The following PDZRN4 variants were observed in gnomAD, a reference collection of about 807,000 sequenced individuals.
PDZRN4 encodes the protein PDZ domain-containing RING finger protein 4.
PDZRN4 carries 70 observed loss-of-function variants against 99.0 expected under a neutral mutation model. The observed-to-expected ratio is 0.71, with a 90% CI of 0.58 to 0.86. The LOEUF (loss-of-function observed/expected upper bound fraction) is 0.86, where lower values mean the gene tolerates loss of function less well. Among genes scored for constraint, PDZRN4 ranks in the 40% least tolerant of loss-of-function variants. PDZRN4 has a pLI of 0.00. For synonymous variants in PDZRN4, 551 were observed against 501.6 expected (o/e 1.10, Z -1.32); for missense variants, 1,474 against 1,331.2 (o/e 1.11, Z -1.67).
At chr12:41,479,281 C>T (rs927817366) in intron 3 of PDZRN4, among the ~76,000 whole-genome samples, 7 of 151,950 alleles carry the variant, frequency 4.6e-5, no homozygotes, top group African/African-American at 1.2e-4. Context: ...TGTCAGAAAA[C>T]GAAAGTAGAT....
intron 3 of PDZRN4, among the ~76,000 whole-genome samples, chr12:41,211,596 G>T (rs1950889129): frequency 6.6e-6 from 1 of 151,862 alleles, no homozygotes; most frequent in African/African-American, 2.4e-5. Flanking sequence ...CTATTATCCT[G>T]AAACTGCAAA....
intron 3 of PDZRN4, among the ~76,000 whole-genome samples, chr12:41,199,373 A>T (rs558723187): frequency 6.6e-6 from 1 of 152,304 alleles, no homozygotes; most frequent in East Asian, 1.9e-4. Context: ...GTTGGTGAAA[A>T]TGTAGAGAAA....
At chr12:41,438,103 T>C (rs1952646490) in intron 3 of PDZRN4, 1 of 1,493,376 alleles carries the variant, frequency 6.7e-7, no homozygotes. Flanking sequence ...CTTTATTTTT[T>C]CTTTCAGTAC....
chr12:41,367,732 A>G (rs1444365182), intron 3 of PDZRN4, among the ~76,000 whole-genome samples: 3 of 152,052 alleles, frequency 2.0e-5, no homozygotes, highest in African/African-American at 7.2e-5. Context: ...ATAGTTTACT[A>G]TTTTTAACAT....
intron 3 of PDZRN4, among the ~76,000 whole-genome samples, chr12:41,501,227 AC>A (rs1243459196): frequency 6.6e-6 from 1 of 152,102 alleles, no homozygotes; most frequent in Non-Finnish European, 1.5e-5. Flanking sequence ...AGATTTGGAA[AC>A]CCTCATCATT....
At chr12:41,451,434 G>T (rs772966572) in intron 3 of PDZRN4, among the ~76,000 whole-genome samples, 10 of 152,092 alleles carry the variant, frequency 6.6e-5, no homozygotes, top group Non-Finnish European at 1.3e-4. Context: ...ACAAAAAGTT[G>T]GTGAAAGTAA....
At chr12:41,535,945 C>G (rs2120752573) in intron 5 of PDZRN4, among the ~76,000 whole-genome samples, 1 of 152,252 alleles carries the variant, frequency 6.6e-6, no homozygotes, top group East Asian at 1.9e-4. Flanking sequence ...ACTAAGGCAA[C>G]ACTTTTCTTT....
chr12:41,322,850 T>C (rs1951689220), intron 3 of PDZRN4, among the ~76,000 whole-genome samples: 1 of 151,906 alleles, frequency 6.6e-6, no homozygotes, highest in Non-Finnish European at 1.5e-5. Flanking sequence ...TGAATTATGA[T>C]CTTTTTCTCG....
chr12:41,360,118 A>C (rs555077591), intron 3 of PDZRN4, among the ~76,000 whole-genome samples: 1 of 152,116 alleles, frequency 6.6e-6, no homozygotes, highest in East Asian at 1.9e-4. Flanking sequence ...AGCTCCATGA[A>C]CATAGAAACC....
chr12:41,299,249 G>T (rs566886975), intron 3 of PDZRN4, among the ~76,000 whole-genome samples: 1 of 151,216 alleles, frequency 6.6e-6, no homozygotes, highest in South Asian at 2.1e-4. Flanking sequence ...CTTGTTTTTG[G>T]TTTCAGAGAG....
intron 3 of PDZRN4, among the ~76,000 whole-genome samples, chr12:41,501,079 T>C (rs1388607216): frequency 6.6e-6 from 1 of 152,136 alleles, no homozygotes; most frequent in Non-Finnish European, 1.5e-5. Context: ...TTTATACTTA[T>C]CCTCAATTTC....
At chr12:41,568,788 C>A (rs1939424343) in intron 9 of PDZRN4, among the ~76,000 whole-genome samples, 1 of 148,340 alleles carries the variant, frequency 6.7e-6, no homozygotes. Context: ...TCTTCCTATT[C>A]TCAACATTAT....
At chr12:41,495,837 T>C (rs942991880) in intron 3 of PDZRN4, among the ~76,000 whole-genome samples, 18 of 152,004 alleles carry the variant, frequency 1.2e-4, no homozygotes, top group Admixed American at 6.6e-4. Flanking sequence ...ACCCTGGGGT[T>C]CCTCTCCTTT....
intron 3 of PDZRN4, among the ~76,000 whole-genome samples, chr12:41,218,995 G>T (rs1215922539): frequency 6.6e-6 from 1 of 151,840 alleles, no homozygotes; most frequent in Non-Finnish European, 1.5e-5. Flanking sequence ...AATATTCCTA[G>T]ATCTAGGAAT....
At chr12:41,422,704 A>G (rs1311701343) in intron 3 of PDZRN4, among the ~76,000 whole-genome samples, 1 of 152,068 alleles carries the variant, frequency 6.6e-6, no homozygotes, top group African/African-American at 2.4e-5. Flanking sequence ...TGATCCAATC[A>G]CCTTCCACCA....
intron 7 of PDZRN4, among the ~76,000 whole-genome samples, chr12:41,556,092 ATTG>A (rs1329419254): frequency 1.3e-5 from 2 of 152,184 alleles, no homozygotes; most frequent in Non-Finnish European, 2.9e-5. Context: ...ATAATAACCT[ATTG>A]TTGTTGTGAA....
chr12:41,427,255 T>C (rs374798227), intron 3 of PDZRN4, among the ~76,000 whole-genome samples: 1 of 152,214 alleles, frequency 6.6e-6, no homozygotes, highest in African/African-American at 2.4e-5. Flanking sequence ...AGGAATAATA[T>C]GGCTGCCTGT....
At chr12:41,192,036 C>G (rs1036221993) in intron 2 of PDZRN4, among the ~76,000 whole-genome samples, 6 of 152,200 alleles carry the variant, frequency 3.9e-5, no homozygotes, top group East Asian at 3.9e-4. Context: ...ACCTCACGGT[C>G]TCCCAAAGTG....
intron 3 of PDZRN4, among the ~76,000 whole-genome samples, chr12:41,279,440 C>T (rs866815843): frequency 6.6e-6 from 1 of 152,260 alleles, no homozygotes; most frequent in Non-Finnish European, 1.5e-5. Flanking sequence ...GAAGCAGCAT[C>T]TTCATTTTAT....
Sources: gnomAD v4.1 joint callset for allele counts (sites outside exome capture counted in the v4.1 genomes callset) on GRCh38, gnomAD v4.1.1 for gene constraint, MANE v1.5 for transcripts, NCBI Gene and HGNC (gene_info 2026-07-23, HGNC 2026-07-21) for gene names.